The following RASAL2 variants were observed in gnomAD, a reference collection of about 807,000 sequenced individuals.
The protein encoded by RASAL2 is RAS protein activator like 2.
In RASAL2, 58 loss-of-function variants were observed where a neutral mutation model predicts 128.9. The observed-to-expected ratio is 0.45, with a 90% CI of 0.36 to 0.56. RASAL2 has a LOEUF of 0.56. Ranked by LOEUF, RASAL2 falls within the 20% of genes least tolerant of loss-of-function variation. RASAL2 has a pLI of 0.00. For missense variants in RASAL2, 1,360 were observed against 1,601.6 expected (o/e 0.85, Z 2.57); for synonymous variants, 561 against 580.8 (o/e 0.97, Z 0.49).
At chr1:178,429,198 A>G (rs1168051755) in intron 5 of RASAL2, among the ~76,000 whole-genome samples, 6 of 152,054 alleles carry the variant, frequency 3.9e-5, no homozygotes, top group African/African-American at 9.7e-5. Context: ...ATGCAGTCTT[A>G]TGGTCCGCAG....
At chr1:178,278,230 C>T (rs929976402) in intron 1 of RASAL2, among the ~76,000 whole-genome samples, 1 of 152,142 alleles carries the variant, frequency 6.6e-6, no homozygotes, top group African/African-American at 2.4e-5. Context: ...GGGCCCTTAG[C>T]TTGAGTTACT....
At chr1:178,205,561 C>T (rs1202301568) in intron 1 of RASAL2, among the ~76,000 whole-genome samples, 1 of 151,852 alleles carries the variant, frequency 6.6e-6, no homozygotes, top group African/African-American at 2.4e-5. Flanking sequence ...TCGAGACCAT[C>T]CTGGCCAACA....
intron 1 of RASAL2, among the ~76,000 whole-genome samples, chr1:178,248,280 T>C (rs1229438737): frequency 6.6e-6 from 1 of 152,220 alleles, no homozygotes; most frequent in Non-Finnish European, 1.5e-5. Context: ...ATATTTAGGA[T>C]AGTTAGCTCT....
chr1:178,371,703 C>T (rs1446185855), intron 3 of RASAL2, among the ~76,000 whole-genome samples: 1 of 152,112 alleles, frequency 6.6e-6, no homozygotes, highest in African/African-American at 2.4e-5. Flanking sequence ...GCAGTTCTTG[C>T]GGAGGACTGA....
intron 3 of RASAL2, among the ~76,000 whole-genome samples, chr1:178,346,535 G>A (rs1456616308): frequency 1.3e-5 from 2 of 152,038 alleles, no homozygotes; most frequent in Non-Finnish European, 2.9e-5. Flanking sequence ...CAATAAATAC[G>A]CTATTATATG....
chr1:178,284,704 T>C (rs1666936801), intron 2 of RASAL2, among the ~76,000 whole-genome samples: 1 of 152,156 alleles, frequency 6.6e-6, no homozygotes, highest in Non-Finnish European at 1.5e-5. Context: ...AACTACTCTG[T>C]AAAATCATCA....
At chr1:178,300,220 G>A in intron 3 of RASAL2, 102 bp downstream of exon 3, 1 of 1,326,460 alleles carries the variant, frequency 7.5e-7, no homozygotes, top group East Asian at 2.5e-5. Flanking sequence ...TGTTAAGTAA[G>A]TGCTTTGAAA....
intron 1 of RASAL2, among the ~76,000 whole-genome samples, chr1:178,110,039 C>T (rs552803990): frequency 5.3e-4 from 80 of 152,090 alleles, no homozygotes; most frequent in African/African-American, 1.8e-3. Flanking sequence ...AACGAAAAAC[C>T]GGATTCAATA....
At chr1:178,141,683 A>G (rs777759592) in intron 1 of RASAL2, among the ~76,000 whole-genome samples, 25 of 152,156 alleles carry the variant, frequency 1.6e-4, no homozygotes, top group Non-Finnish European at 3.2e-4. Flanking sequence ...CTTCGATGTC[A>G]TTAACATCGG....
intron 1 of RASAL2, among the ~76,000 whole-genome samples, chr1:178,242,674 C>T (rs1285702421): frequency 6.6e-6 from 1 of 152,010 alleles, no homozygotes; most frequent in African/African-American, 2.4e-5. Flanking sequence ...TCTTTGAATA[C>T]CCTTTTAGCT....
chr1:178,327,138 G>T (rs563527418), intron 3 of RASAL2, among the ~76,000 whole-genome samples: 1 of 152,050 alleles, frequency 6.6e-6, no homozygotes, highest in South Asian at 2.1e-4. Context: ...AAACATTTCA[G>T]TATGTGTGTA....
At chr1:178,101,675 T>C (rs1048223197) in intron 1 of RASAL2, among the ~76,000 whole-genome samples, 1 of 152,176 alleles carries the variant, frequency 6.6e-6, no homozygotes, top group Non-Finnish European at 1.5e-5. Context: ...ATCCTTTAGG[T>C]TTTCTCATTG....
chr1:178,257,443 G>GTGTGTGTGTA (rs1390427867), intron 1 of RASAL2, among the ~76,000 whole-genome samples: 3 of 151,966 alleles, frequency 2.0e-5, no homozygotes, highest in African/African-American at 7.3e-5. Flanking sequence ...GTGTGTGTGT[G>GTGTGTGTGTA]TGTGTGTGTG....
intron 1 of RASAL2, among the ~76,000 whole-genome samples, chr1:178,119,714 A>G (rs924327717): frequency 2.0e-5 from 3 of 152,242 alleles, no homozygotes; most frequent in Admixed American, 2.0e-4. Context: ...CCTGAAAAAT[A>G]TATCACACAA....
At chr1:178,386,539 G>A (rs1478354783) in intron 3 of RASAL2, among the ~76,000 whole-genome samples, 2 of 152,094 alleles carry the variant, frequency 1.3e-5, no homozygotes, top group Non-Finnish European at 2.9e-5. Flanking sequence ...CATCATCTGA[G>A]GTCATATCCA....
chr1:178,354,900 A>G (rs373802187), intron 3 of RASAL2, among the ~76,000 whole-genome samples: 1 of 152,204 alleles, frequency 6.6e-6, no homozygotes. Context: ...TATAGATTCA[A>G]TGTAATTCCA....
intron 4 of RASAL2, among the ~76,000 whole-genome samples, chr1:178,395,741 G>T (rs1226131767): frequency 6.9e-6 from 1 of 145,730 alleles, no homozygotes; most frequent in African/African-American, 2.7e-5. Context: ...TAATAGGATC[G>T]CCCTCCAGTG....
intron 1 of RASAL2, among the ~76,000 whole-genome samples, chr1:178,239,755 G>A (rs1424949823): frequency 6.6e-6 from 1 of 151,966 alleles, no homozygotes; most frequent in Non-Finnish European, 1.5e-5. Context: ...AAGATTGTGT[G>A]ATGATTCTAA....
At chr1:178,402,899 A>G (rs1673738704) in intron 4 of RASAL2, among the ~76,000 whole-genome samples, 1 of 152,098 alleles carries the variant, frequency 6.6e-6, no homozygotes, top group South Asian at 2.1e-4. Flanking sequence ...TATATTATCT[A>G]ATGCTTTTTC....
Sources: allele counts gnomAD v4.1 joint callset (sites outside exome capture counted in the v4.1 genomes callset), GRCh38; gene constraint gnomAD v4.1.1; transcripts MANE v1.5; gene names NCBI Gene and HGNC (gene_info 2026-07-23, HGNC 2026-07-21).